Variants in TMEM250 observed in about 807,000 individuals in gnomAD.
The protein encoded by TMEM250 is transmembrane protein 250, also known as herpes virus UL25-binding protein.
A neutral mutation model predicts 7.0 loss-of-function variants in TMEM250; 7 were observed. That is an observed-to-expected ratio of 1.00 (90% CI 0.57 to 1.87). The LOEUF (loss-of-function observed/expected upper bound fraction) is 1.87. TMEM250 is among the 40% of genes most tolerant of loss of function. The probability of loss-of-function intolerance (pLI) is 0.00; values close to 1 mark genes in which losing one functional copy is unlikely to be tolerated. For synonymous variants in TMEM250, 135 were observed against 96.7 expected (o/e 1.40, Z -2.32); for missense variants, 196 against 202.5 (o/e 0.97, Z 0.19).
At chr9:136,117,328 G>A (rs1564257065) in intron 1 of TMEM250, among the ~76,000 whole-genome samples, 1 of 152,242 alleles carries the variant, frequency 6.6e-6, no homozygotes, top group Non-Finnish European at 1.5e-5. Context: ...CGGATGGGAA[G>A]GGGCAAGAGT....
intron 1 of TMEM250, 110 bp downstream of exon 1, chr9:136,118,375 C>CGCCGG (rs1218567310): frequency 1.3e-5 from 2 of 151,974 alleles, no homozygotes; most frequent in Non-Finnish European, 2.9e-5. Flanking sequence ...CGCCGCGCCG[C>CGCCGG]GCCGGGCCCC....
At position 136,116,658 on chromosome 9, in the gene TMEM250, G is replaced by C. The variant is rs562661742; in HGVS notation, c.243C>G (p.Tyr81Ter). Reference protein sequence around the residue: ...GALAALFCLQYLGVRVLLRFQ... With the variant: ...GALAALFCLQ ...AGCGCAGCAGGACGCGAACGCCCAG[G>C]TACTGTAGGCAGAAGAGGGCGGCCA... Residue 81 changes from tyrosine (Y) to a stop codon, truncating the protein, a stop_gained, in exon 2 of 2, where the codon TAC becomes TAG. Coordinates refer to ENST00000418388, the MANE Select transcript of TMEM250 (RefSeq NM_152833.3). LOFTEE classifies it high-confidence loss of function. The C allele has an allele frequency of 6.2e-7, 1 of 1,611,872 alleles. No homozygotes were observed. The highest frequency in any genetic ancestry group is 1.1e-5 in the South Asian group (1 of 91,088).
In TMEM250 at chr9:136,116,316, C is replaced by A; in HGVS notation, c.*165G>T. On this transcript the variant is annotated 3_prime_UTR_variant, in exon 2 of 2. Transcript: ENST00000418388. ...CAGGAAGCCAGCCTAGGGGTGGTGT[C>A]CGCGCCCCCATCACAGAAGTCTCAG... The A allele has an allele frequency of 7.2e-7, 1 of 1,384,150 alleles. No homozygotes were observed. The highest frequency in any genetic ancestry group is 9.5e-7 in the Non-Finnish European group (1 of 1,054,744). 85.7% of individuals were successfully genotyped at this position (1,384,150 alleles called of 1,614,324 possible). A position where few individuals can be genotyped will look rare whatever the true frequency, so the allele number is the denominator to read the frequency against.
In TMEM250 at chr9:136,115,080, C is replaced by T. The variant is rs747637278; in HGVS notation, c.*1401G>A. 6.6e-5 allele frequency: 10 copies of T among 152,226 alleles called. No individual in the cohort carries two copies. The highest frequency in any genetic ancestry group is 1.9e-4 in the African/African-American group (8 of 41,446). The allele number at this position is 152,226 out of a possible 1,614,324, so 9.4% of individuals were successfully genotyped here. On this transcript the variant is annotated 3_prime_UTR_variant, in exon 2 of 2. Coordinates refer to ENST00000418388, the MANE Select transcript of TMEM250 (RefSeq NM_152833.3). ...CCTCATGGCTCCTGGGCCACTGGTCCGCCTGACAGGGTAGGGTCACAAGTC... is the reference window on the plus strand; with the variant it reads ...CCTCATGGCTCCTGGGCCACTGGTCTGCCTGACAGGGTAGGGTCACAAGTC...
intron 1 of TMEM250, 112 bp downstream of exon 1, chr9:136,118,373 C>G (rs931876845): frequency 6.6e-6 from 1 of 152,054 alleles, no homozygotes; most frequent in Non-Finnish European, 1.5e-5. Context: ...TGCGCCGCGC[C>G]GCGCCGGGCC....
chr9:136,116,765 T>C lies in TMEM250; in HGVS notation c.136A>G (p.Lys46Glu), dbSNP rs1475879599. 2.5e-6 allele frequency: 4 copies of C among 1,612,324 alleles called. No homozygotes were observed. The highest frequency in any genetic ancestry group is 2.5e-6 in the Non-Finnish European group (3 of 1,179,712). Residue 46 changes from lysine (K) to glutamate (E), a missense_variant, in exon 2 of 2, where the codon AAG (lysine) becomes GAG (glutamate). Transcript: ENST00000418388. ...ATGAAGCCGTACAGCCAGCGCGTCT[T>C]GATGTACACGTCGAAGTTGTTGTAC... The part of the protein sequence containing the change: ...TKYNNFDVYI[K>E]TRWLYGFIRF...
At position 136,115,857 on chromosome 9, in the gene TMEM250, A is replaced by G. The variant is rs1457565496; in HGVS notation, c.*624T>C. ...GCCCCCCGCTAGACTGCATCTACACAATCCAAGGGGACCCTGAAGGCTGGC... is the reference window on the plus strand; with the variant it reads ...GCCCCCCGCTAGACTGCATCTACACGATCCAAGGGGACCCTGAAGGCTGGC... On this transcript the variant is annotated 3_prime_UTR_variant, in exon 2 of 2. Coordinates refer to ENST00000418388, the MANE Select transcript of TMEM250 (RefSeq NM_152833.3). The G allele has an allele frequency of 2.9e-6, 1 of 348,100 alleles. No individual in the cohort carries two copies. The highest frequency in any genetic ancestry group is 4.3e-5 in the East Asian group (1 of 23,282). The allele number at this position is 348,100 out of a possible 1,614,324, so 21.6% of individuals were successfully genotyped here.
At chr9:136,117,661 C>T (rs1004670837) in intron 1 of TMEM250, among the ~76,000 whole-genome samples, 1 of 152,220 alleles carries the variant, frequency 6.6e-6, no homozygotes, top group Non-Finnish European at 1.5e-5. Context: ...TTGGGCAGGT[C>T]ACCTGACCCC....
In TMEM250 at chr9:136,116,645, C is replaced by T. The variant is rs771205368; in HGVS notation, c.256G>A (p.Val86Ile). Residue 86 changes from valine (V) to isoleucine (I), a missense_variant, in exon 2 of 2, where the codon GTC becomes ATC. Physicochemically the swap from Val to Ile is conservative, Grantham distance 29. Coordinates refer to ENST00000418388, the MANE Select transcript of TMEM250 (RefSeq NM_152833.3). Reference sequence around the variant, plus strand: ...AGCTTGCGCTGGAAGCGCAGCAGGACGCGAACGCCCAGGTACTGTAGGCAG... The same window carrying T: ...AGCTTGCGCTGGAAGCGCAGCAGGATGCGAACGCCCAGGTACTGTAGGCAG... Reference protein sequence around the residue: ...LFCLQYLGVRVLLRFQRKLSV... With the variant: ...LFCLQYLGVRILLRFQRKLSV... 3.7e-6 allele frequency: 6 copies of T among 1,610,996 alleles called. No homozygotes were observed. The highest frequency in any genetic ancestry group is 1.7e-5 in the Admixed American group (1 of 60,002).
intron 1 of TMEM250, 39 bp from the exon 2 acceptor site, chr9:136,117,063 CA>C (rs1372961713): frequency 8.3e-7 from 1 of 1,203,862 alleles, no homozygotes; most frequent in Non-Finnish European, 1.1e-6. Context: ...AGTATGAGGA[CA>C]CCATGCGGAT....
At position 136,118,777 on chromosome 9, in the gene TMEM250, A is replaced by T. The variant is rs542694452; in HGVS notation, c.-417T>A. On this transcript the variant is annotated 5_prime_UTR_variant, in exon 1 of 2. Coordinates refer to ENST00000418388, the MANE Select transcript of TMEM250 (RefSeq NM_152833.3). ...TCGACGGCCACCGTAGGGCGGCCTC[A>T]CGCCCCCTCCACCCGCGCCGACCGA... 1 of 151,802 alleles carries T rather than the reference A, an allele frequency of 6.6e-6. No homozygotes were observed. Among genetic ancestry groups the T allele is most frequent in the Non-Finnish European group, 1.5e-5 (1 of 67,930 alleles). The allele number at this position is 151,802 out of a possible 1,614,324, so 9.4% of individuals were successfully genotyped here.
chr9:136,114,595 A>T lies in TMEM250; in HGVS notation c.*1886T>A, dbSNP rs1290591769. On this transcript the variant is annotated 3_prime_UTR_variant, in exon 2 of 2. Transcript: ENST00000418388. ...TAAGCAATCACTCCATCAACACATT[A>T]AAAAAATAGGTTTAATGCAGGTGGG... 1.3e-5 allele frequency: 2 copies of T among 152,214 alleles called. No homozygotes were observed. The highest frequency in any genetic ancestry group is 6.5e-5 in the Admixed American group (1 of 15,286). 9.4% of individuals were successfully genotyped at this position (152,214 alleles called of 1,614,324 possible). A position where few individuals can be genotyped will look rare whatever the true frequency, so the allele number is the denominator to read the frequency against.
Position 136,116,918 on chromosome 9 carries a change from G to T in TMEM250, c.-18C>A. 6.8e-7 allele frequency: 1 copy of T among 1,469,382 alleles called. No individual in the cohort carries two copies. 91.0% of individuals were successfully genotyped at this position (1,469,382 alleles called of 1,614,324 possible). On this transcript the variant is annotated 5_prime_UTR_variant, in exon 2 of 2. Transcript: ENST00000418388. ...ACCGGCATTGGGCCCCGGCGGCGGC[G>T]GCGCTAGGTCGCAGTGGCGGCGGCG... is the stretch of plus-strand genomic sequence containing the variant.
chr9:136,118,823 G>C lies in TMEM250; in HGVS notation c.-463C>G, dbSNP rs1032672642. 1 of 152,186 alleles carries C rather than the reference G, an allele frequency of 6.6e-6. No individual in the cohort carries two copies. The highest frequency in any genetic ancestry group is 1.5e-5 in the Non-Finnish European group (1 of 68,034). The allele number at this position is 152,186 out of a possible 1,614,324, so 9.4% of individuals were successfully genotyped here. A position where few individuals can be genotyped will look rare whatever the true frequency, so the allele number is the denominator to read the frequency against. ...ACCGAGCCGCACTTCCCTTCCCCCTGCTCCGGGCCCGCGCTGGGCGTCCCG... is the reference window on the plus strand; with the variant it reads ...ACCGAGCCGCACTTCCCTTCCCCCTCCTCCGGGCCCGCGCTGGGCGTCCCG... On this transcript the variant is annotated 5_prime_UTR_variant, in exon 1 of 2. Transcript: ENST00000418388.
At position 136,116,647 on chromosome 9, in the gene TMEM250, C is replaced by T; in HGVS notation, c.254G>A (p.Arg85His). ...ALFCLQYLGV[R>H]VLLRFQRKLS... ...CTTGCGCTGGAAGCGCAGCAGGACGCGAACGCCCAGGTACTGTAGGCAGAA... is the reference window on the plus strand; with the variant it reads ...CTTGCGCTGGAAGCGCAGCAGGACGTGAACGCCCAGGTACTGTAGGCAGAA... Residue 85 changes from arginine (R) to histidine (H), a missense_variant, in exon 2 of 2, where the codon CGC becomes CAC. Physicochemically the swap from Arg to His is conservative, Grantham distance 29 (BLOSUM62 0). Transcript: ENST00000418388. 1.2e-6 allele frequency: 2 copies of T among 1,611,132 alleles called. No individual in the cohort carries two copies. Among genetic ancestry groups the T allele is most frequent in the African/African-American group, 1.3e-5 (1 of 75,046 alleles).
rs1830695734 is a variant in TMEM250 at position 136,116,128 on chromosome 9, T to A, written c.*353A>T. ...ACACAGCCCTCTGTGTCCAGGGGCC[T>A]CCCAGGGTGATGTCTAAAGTCCCTG... On this transcript the variant is annotated 3_prime_UTR_variant, in exon 2 of 2. Transcript: ENST00000418388. 2 of 453,130 alleles carry A rather than the reference T, an allele frequency of 4.4e-6. No homozygotes were observed. Among genetic ancestry groups the A allele is most frequent in the African/African-American group, 2.0e-5 (1 of 49,800 alleles). The allele number at this position is 453,130 out of a possible 1,614,324, so 28.1% of individuals were successfully genotyped here. A position where few individuals can be genotyped will look rare whatever the true frequency, so the allele number is the denominator to read the frequency against.
chr9:136,117,590 G>A (rs1277415891), intron 1 of TMEM250, among the ~76,000 whole-genome samples: 2 of 152,244 alleles, frequency 1.3e-5, no homozygotes, highest in Non-Finnish European at 2.9e-5. Context: ...GGACGGCTCG[G>A]GGGCCGTGGG....
rs370578089 is a variant in TMEM250, at chr9:136,116,675, G to T, written c.226C>A (p.Leu76Ile). The T allele has an allele frequency of 6.2e-7, 1 of 1,612,082 alleles. No individual in the cohort carries two copies. The highest frequency in any genetic ancestry group is 8.5e-7 in the Non-Finnish European group (1 of 1,179,734). Residue 76 changes from leucine (L) to isoleucine (I), a missense_variant, in exon 2 of 2, where the codon CTC becomes ATC. Physicochemically the swap from Leu to Ile is conservative, Grantham distance 5. Coordinates refer to ENST00000418388, the MANE Select transcript of TMEM250 (RefSeq NM_152833.3). ...TAALWGALAA[L>I]FCLQYLGVRV... ...ACGCCCAGGTACTGTAGGCAGAAGA[G>T]GGCGGCCAGCGCACCCCAGAGCGCC...
chr9:136,118,199 A>C (rs1830752358), intron 1 of TMEM250: 2 of 151,632 alleles, frequency 1.3e-5, no homozygotes, highest in Admixed American at 6.6e-5. Context: ...CTCAAACGCG[A>C]CTCGGCGGAG....
Sources: gnomAD v4.1 joint callset for allele counts (sites outside exome capture counted in the v4.1 genomes callset) on GRCh38, gnomAD v4.1.1 for gene constraint, MANE v1.5 for transcripts, NCBI Gene and HGNC (gene_info 2026-07-23, HGNC 2026-07-21) for gene names.